Variants in PTPRG observed in about 807,000 individuals in gnomAD.
PTPRG encodes protein tyrosine phosphatase receptor type G.
A neutral mutation model predicts 165.3 loss-of-function variants in PTPRG; 102 were observed. That is an observed-to-expected ratio of 0.62 (90% CI 0.53 to 0.73). The LOEUF (loss-of-function observed/expected upper bound fraction) is 0.73, where lower values mean the gene tolerates loss of function less well. PTPRG is among the 30% of genes least tolerant of loss of function. The pLI is 0.00. For synonymous variants in PTPRG, 675 were observed against 669.5 expected (o/e 1.01, Z -0.13); for missense variants, 1,866 against 1,861.4 (o/e 1.00, Z -0.05).
At chr3:61,824,459 C>G (rs1222486343) in intron 2 of PTPRG, among the ~76,000 whole-genome samples, 2 of 152,210 alleles carry the variant, frequency 1.3e-5, no homozygotes, top group African/African-American at 4.8e-5. Context: ...GAGGCCTTCC[C>G]TTGCAGCAGG....
At chr3:61,680,525 A>C (rs1027971237) in intron 1 of PTPRG, among the ~76,000 whole-genome samples, 1 of 151,170 alleles carries the variant, frequency 6.6e-6, no homozygotes, top group Admixed American at 6.6e-5. Context: ...AAAACACAAA[A>C]AAACAGCATG....
At chr3:61,739,545 T>C (rs1473753454) in intron 1 of PTPRG, among the ~76,000 whole-genome samples, 1 of 152,206 alleles carries the variant, frequency 6.6e-6, no homozygotes, top group Non-Finnish European at 1.5e-5. Context: ...TGTAGTGTAG[T>C]ATCAGTTATA....
At chr3:61,604,010 G>A (rs1424873184) in intron 1 of PTPRG, among the ~76,000 whole-genome samples, 1 of 152,160 alleles carries the variant, frequency 6.6e-6, no homozygotes, top group Admixed American at 6.5e-5. Context: ...GCATGGCTGG[G>A]CACGGTTTTA....
intron 4 of PTPRG, among the ~76,000 whole-genome samples, chr3:62,023,148 T>C (rs2041736943): frequency 6.6e-6 from 1 of 152,188 alleles, no homozygotes; most frequent in African/African-American, 2.4e-5. Flanking sequence ...ATGCTAACAA[T>C]GCATATTATC....
intron 5 of PTPRG, among the ~76,000 whole-genome samples, chr3:62,086,780 C>T (rs1701766538): frequency 6.6e-6 from 1 of 152,110 alleles, no homozygotes; most frequent in African/African-American, 2.4e-5. Context: ...TAAGTGAAGG[C>T]CAGAGTCATT....
intron 2 of PTPRG, among the ~76,000 whole-genome samples, chr3:61,921,730 T>C (rs1470165010): frequency 6.6e-6 from 1 of 152,212 alleles, no homozygotes; most frequent in Non-Finnish European, 1.5e-5. Flanking sequence ...TTTGAAAATA[T>C]TCCAAAATTT....
chr3:62,092,685 G>C (rs764580454), intron 5 of PTPRG, among the ~76,000 whole-genome samples: 1 of 152,184 alleles, frequency 6.6e-6, no homozygotes, highest in South Asian at 2.1e-4. Flanking sequence ...AATAGGACCA[G>C]TAATAAGAGA....
chr3:61,980,271 A>G (rs2107677182), intron 2 of PTPRG, among the ~76,000 whole-genome samples: 1 of 152,304 alleles, frequency 6.6e-6, no homozygotes, highest in East Asian at 1.9e-4. Context: ...CCCACATGAT[A>G]ACTTGAGCGG....
intron 5 of PTPRG, among the ~76,000 whole-genome samples, chr3:62,131,432 T>C (rs1008100886): frequency 2.0e-5 from 3 of 152,152 alleles, no homozygotes; most frequent in African/African-American, 7.2e-5. Flanking sequence ...AGGGAAAATT[T>C]GTAAGAGTAA....
intron 1 of PTPRG, chr3:61,659,317 A>T (rs948706327): frequency 1.0e-6 from 1 of 985,240 alleles, no homozygotes; most frequent in Non-Finnish European, 1.2e-6. Context: ...AAGTCCAAAC[A>T]GTGCTGCTCA....
rs896228530 is a variant in PTPRG at position 62,273,520 on chromosome 3, C to A, written c.3319-178C>A. On this transcript the variant is annotated intron_variant, in intron 22 of 29. Transcript: ENST00000474889. The surrounding 1 kb of genome is among the most constrained non-coding windows in gnomAD (Gnocchi z 4.1). The stretch of plus-strand genomic sequence containing the variant: ...GAGCTAAACTTAACACAGTCTCTAC[C>A]GTAAAATAAGTTAAGACTGATAAAG... Among the ~76,000 whole-genome samples, 2 of 152,072 alleles carry A rather than the reference C, an allele frequency of 1.3e-5. No homozygotes were observed. The highest frequency in any genetic ancestry group is 4.8e-5 in the African/African-American group (2 of 41,424).
chr3:61,702,259 G>A (rs1223379910), intron 1 of PTPRG, among the ~76,000 whole-genome samples: 11 of 152,138 alleles, frequency 7.2e-5, no homozygotes, highest in Non-Finnish European at 1.3e-4. Context: ...GATTACAGGC[G>A]TGAGCCACCG....
chr3:61,685,820 G>A (rs1703606864), intron 1 of PTPRG, among the ~76,000 whole-genome samples: 1 of 152,206 alleles, frequency 6.6e-6, no homozygotes, highest in Admixed American at 6.5e-5. Context: ...TATCCTGTTA[G>A]TCTCTGCCCC....
At chr3:62,053,335 C>T (rs1700526873) in intron 4 of PTPRG, among the ~76,000 whole-genome samples, 1 of 145,408 alleles carries the variant, frequency 6.9e-6, no homozygotes, top group Non-Finnish European at 1.5e-5. Flanking sequence ...GGTGCTATCT[C>T]AGCTCACTGC....
In PTPRG at chr3:61,591,778, G is replaced by A. The variant is rs571547801; in HGVS notation, c.85+29406G>A. ...GTTGGGGACATGGGCTTTGGAACTG[G>A]GTAGATGGTGACAAGGGCTTTGGAA... On this transcript the variant is annotated intron_variant, in intron 1 of 29. Coordinates refer to ENST00000474889, the MANE Select transcript of PTPRG (RefSeq NM_002841.4). 3.2e-4 allele frequency among the ~76,000 whole-genome samples: 49 copies of A among 152,246 alleles called. No individual in the cohort carries two copies. The South Asian group carries it at 0.01, about 32-fold the overall frequency.
At chr3:61,718,497 G>C (rs2031912486) in intron 1 of PTPRG, among the ~76,000 whole-genome samples, 1 of 152,164 alleles carries the variant, frequency 6.6e-6, no homozygotes, top group Admixed American at 6.5e-5. Context: ...ACATTGTGAT[G>C]TGACCATCCG....
intron 2 of PTPRG, among the ~76,000 whole-genome samples, chr3:61,868,981 T>G (rs2037486448): frequency 6.6e-6 from 1 of 152,178 alleles, no homozygotes; most frequent in African/African-American, 2.4e-5. Context: ...TAACTTTTTT[T>G]TGGTGAGTGA....
intron 2 of PTPRG, among the ~76,000 whole-genome samples, chr3:61,926,598 TC>T (rs1559693481): frequency 0.034 from 1,049 of 30,814 alleles, 29 homozygotes; most frequent in Middle Eastern, 0.11. Context: ...CCTCCCTCCC[TC>T]CCTCCCTCCC....
In PTPRG at chr3:62,228,799, G is replaced by A. The variant is rs1170240186; in HGVS notation, c.2289-2426G>A. Among the ~76,000 whole-genome samples, 1 of 152,152 alleles carries A rather than the reference G, an allele frequency of 6.6e-6. No individual in the cohort carries two copies. The highest frequency in any genetic ancestry group is 1.5e-5 in the Non-Finnish European group (1 of 68,022). Reference sequence around the variant, plus strand: ...TGCTGAGGGAGAGTGAGAATCAAAAGGTAGGTTTATATAAAACTTTGTCTA... The same window carrying A: ...TGCTGAGGGAGAGTGAGAATCAAAAAGTAGGTTTATATAAAACTTTGTCTA... On this transcript the variant is annotated intron_variant, in intron 13 of 29. Transcript: ENST00000474889. The surrounding 1 kb of genome is among the most constrained non-coding windows in gnomAD (Gnocchi z 4.1).
Sources: gnomAD v4.1 joint callset for allele counts (sites outside exome capture counted in the v4.1 genomes callset) on GRCh38, gnomAD v4.1.1 for gene constraint, Gnocchi (gnomAD v3.1) non-coding constraint, MANE v1.5 for transcripts, NCBI Gene and HGNC (gene_info 2026-07-23, HGNC 2026-07-21) for gene names.